Variants in ATP6V0A2 observed in about 807,000 individuals in gnomAD.
The protein encoded by ATP6V0A2 is V-type proton ATPase 116 kDa subunit a 2.
Under a neutral mutation model 104.4 loss-of-function variants are expected in ATP6V0A2, and 58 were observed. The ratio of observed to expected loss-of-function variants is 0.56; its 90% CI spans 0.45 to 0.69. ATP6V0A2 has a LOEUF of 0.69. Ranked by LOEUF, ATP6V0A2 falls within the 30% of genes least tolerant of loss-of-function variation. The probability of loss-of-function intolerance (pLI) is 0.00; values close to 1 mark genes in which losing one functional copy is unlikely to be tolerated. For synonymous variants in ATP6V0A2, 376 were observed against 397.9 expected (o/e 0.95, Z 0.65); for missense variants, 938 against 1,062.9 (o/e 0.88, Z 1.63).
chr12:123,743,840 C>G lies in ATP6V0A2; in HGVS notation c.1094C>G (p.Thr365Arg). 1 of 1,614,090 alleles carries G rather than the reference C, an allele frequency of 6.2e-7. No individual in the cohort carries two copies. Among genetic ancestry groups the G allele is most frequent in the Non-Finnish European group, 8.5e-7 (1 of 1,179,988 alleles). Reference protein sequence around the residue: ...SFMNIIPTKETPPTRIRTNKF... With the variant: ...SFMNIIPTKERPPTRIRTNKF... ...ATGAATATAATCCCCACAAAAGAAACACCCCCCACTCGGATCCGCACCAAC... is the reference window on the plus strand; with the variant it reads ...ATGAATATAATCCCCACAAAAGAAAGACCCCCCACTCGGATCCGCACCAAC... The change falls in exon 10 of 20, where the codon ACA becomes AGA. Residue 365 changes from threonine (T) to arginine (R), a missense_variant. Physicochemically the swap from Thr to Arg is moderately conservative, Grantham distance 71 (BLOSUM62 -1). Transcript: ENST00000330342.
chr12:123,719,817 G>A (rs1437234804), intron 2 of ATP6V0A2, among the ~76,000 whole-genome samples: 3 of 151,960 alleles, frequency 2.0e-5, no homozygotes, highest in Admixed American at 1.3e-4. Context: ...GGACCACACA[G>A]GGGGAGGTTG....
At chr12:123,741,509 C>T (rs975362738) in intron 9 of ATP6V0A2, among the ~76,000 whole-genome samples, 25 of 152,284 alleles carry the variant, frequency 1.6e-4, no homozygotes, top group African/African-American at 5.8e-4. Context: ...GGTCGTAGCT[C>T]ACTGCAATCT....
chr12:123,748,880 G>T, intron 15 of ATP6V0A2, 95 bp downstream of exon 15: 6 of 1,211,714 alleles, frequency 5.0e-6, no homozygotes, highest in Non-Finnish European at 7.3e-6. Flanking sequence ...CTCCACAGGA[G>T]CCTGGGAAGG....
At chr12:123,754,707 T>C (rs1468947772) in intron 18 of ATP6V0A2, 170 bp downstream of exon 18, 1 of 627,888 alleles carries the variant, frequency 1.6e-6, no homozygotes, top group East Asian at 2.8e-5. Flanking sequence ...GGCTATTTCT[T>C]TTGGCTGAGG....
intron 16 of ATP6V0A2, among the ~76,000 whole-genome samples, 162 bp from the exon 17 acceptor site, chr12:123,752,121 A>T (rs947122902): frequency 2.6e-5 from 4 of 152,144 alleles, no homozygotes; most frequent in African/African-American, 9.7e-5. Flanking sequence ...CGGCTTCCCA[A>T]AGTGCTGTGA....
chr12:123,730,439 G>T (rs550248850), intron 6 of ATP6V0A2, among the ~76,000 whole-genome samples: 1 of 151,742 alleles, frequency 6.6e-6, no homozygotes, highest in Non-Finnish European at 1.5e-5. Flanking sequence ...AGGAGCCACC[G>T]CGCCCAGCCT....
intron 1 of ATP6V0A2, among the ~76,000 whole-genome samples, chr12:123,715,541 C>T (rs529753813): frequency 6.6e-6 from 1 of 152,258 alleles, no homozygotes; most frequent in African/African-American, 2.4e-5. Context: ...TTAACTGTTT[C>T]TTGAGAGTGC....
intron 16 of ATP6V0A2, among the ~76,000 whole-genome samples, chr12:123,751,479 AC>A (rs1359842708): frequency 1.3e-5 from 2 of 152,052 alleles, no homozygotes; most frequent in Non-Finnish European, 2.9e-5. Context: ...ACATGGCGAA[AC>A]CCTGTCTCTA....
At chr12:123,733,833 G>GA in intron 6 of ATP6V0A2, 93 bp from the exon 7 acceptor site, 1 of 879,848 alleles carries the variant, frequency 1.1e-6, no homozygotes, top group African/African-American at 1.6e-5. Context: ...TTGAATGAGT[G>GA]AATGAATGAA....
intron 4 of ATP6V0A2, 32 bp downstream of exon 4, chr12:123,724,823 T>C (rs1956433734): frequency 6.2e-7 from 1 of 1,603,758 alleles, no homozygotes; most frequent in Admixed American, 1.7e-5. Context: ...AATACAGCTG[T>C]TTTTATAAAC....
intron 1 of ATP6V0A2, among the ~76,000 whole-genome samples, chr12:123,713,837 C>G (rs1433349539): frequency 6.6e-6 from 1 of 152,148 alleles, no homozygotes; most frequent in African/African-American, 2.4e-5. Flanking sequence ...TCCTTAATTT[C>G]AAAAGGGATC....
rs1812552036 is a variant in ATP6V0A2 at position 123,759,986 on chromosome 12, T to C, written c.*1954T>C. On this transcript the variant is annotated 3_prime_UTR_variant, in exon 20 of 20. Coordinates refer to ENST00000330342, the MANE Select transcript of ATP6V0A2 (RefSeq NM_012463.4). The stretch of plus-strand genomic sequence containing the variant: ...TTGGGTGACTATGACATCCCAGCAG[T>C]GCTGGTCAGGTCTCAGAGTTGCTTT... 3 of 152,226 alleles carry C rather than the reference T, an allele frequency of 2.0e-5. No homozygotes were observed. The South Asian group carries it at 6.2e-4, about 32-fold the overall frequency. The allele number at this position is 152,226 out of a possible 1,614,324, so 9.4% of individuals were successfully genotyped here.
In ATP6V0A2 at chr12:123,758,125, C is replaced by A; in HGVS notation, c.*93C>A. ...GTCAGATTTATGATAGGAAAAATTC[C>A]ATCTTCATTACTGCCTTATGACATA... On this transcript the variant is annotated 3_prime_UTR_variant, in exon 20 of 20. Coordinates refer to ENST00000330342, the MANE Select transcript of ATP6V0A2 (RefSeq NM_012463.4). 2 of 890,286 alleles carry A rather than the reference C, an allele frequency of 2.2e-6. No individual in the cohort carries two copies. The highest frequency in any genetic ancestry group is 2.5e-5 in the East Asian group (1 of 40,670). The allele number at this position is 890,286 out of a possible 1,614,324, so 55.1% of individuals were successfully genotyped here. A position where few individuals can be genotyped will look rare whatever the true frequency, so the allele number is the denominator to read the frequency against.
chr12:123,722,398 G>A lies in ATP6V0A2; in HGVS notation c.244G>A (p.Gly82Arg), dbSNP rs1392360558. The A allele has an allele frequency of 1.2e-6, 2 of 1,613,474 alleles. No homozygotes were observed. Among genetic ancestry groups the A allele is most frequent in the East Asian group, 2.2e-5 (1 of 44,886 alleles). Residue 82 changes from glycine to arginine, a missense_variant, in exon 3 of 20, where the codon GGA becomes AGA. By Grantham distance (125) the Gly-to-Arg change is moderately radical. Coordinates refer to ENST00000330342, the MANE Select transcript of ATP6V0A2 (RefSeq NM_012463.4). The part of the protein sequence containing the change: ...INRADIPLPE[G>R]EASPPAPPLK... ...TAGAGCTGATATTCCCCTTCCTGAA[G>A]GAGAGGCCAGCCCTCCTGCGCCACC...
chr12:123,751,717 A>G (rs1484418229), intron 16 of ATP6V0A2, among the ~76,000 whole-genome samples: 1 of 152,000 alleles, frequency 6.6e-6, no homozygotes, highest in Non-Finnish European at 1.5e-5. Context: ...GCCTGTGGAG[A>G]CCCGCCCTGG....
In ATP6V0A2 at chr12:123,758,551, T is replaced by G. The variant is rs1246627510; in HGVS notation, c.*519T>G. 1 of 152,832 alleles carries G rather than the reference T, an allele frequency of 6.5e-6. No homozygotes were observed. The highest frequency in any genetic ancestry group is 2.4e-5 in the African/African-American group (1 of 41,372). The allele number at this position is 152,832 out of a possible 1,614,324, so 9.5% of individuals were successfully genotyped here. On this transcript the variant is annotated 3_prime_UTR_variant, in exon 20 of 20. Coordinates refer to ENST00000330342, the MANE Select transcript of ATP6V0A2 (RefSeq NM_012463.4). ...TTTTTTTTTTTTTGAGATGAAGTCT[T>G]GCTGTGTCACGTAGGCTGGAGTGCA...
rs754359121 is a variant in ATP6V0A2, at chr12:123,751,221, G to T, written c.2047G>T (p.Val683Leu). ...WLHNGRSCFG[V>L]NRSGYTLIRK... ...TCACAATGGGCGTAGTTGCTTCGGG[G>T]TGAACCGGGTAAGTGCGGGTTTGGA... The change falls in exon 16 of 20, where the codon GTG becomes TTG. Residue 683 changes from valine to leucine, a missense_variant. Coordinates refer to ENST00000330342, the MANE Select transcript of ATP6V0A2 (RefSeq NM_012463.4). 28 of 1,614,188 alleles carry T rather than the reference G, an allele frequency of 1.7e-5. 1 individual carries two copies. The South Asian group carries it at 2.6e-4, about 15-fold the overall frequency.
chr12:123,725,226 G>C (rs1188575386), intron 4 of ATP6V0A2, among the ~76,000 whole-genome samples: 1 of 152,092 alleles, frequency 6.6e-6, no homozygotes, highest in Non-Finnish European at 1.5e-5. Flanking sequence ...GAGCTACCGC[G>C]CCCAGATTTA....
chr12:123,716,274 C>T (rs1327794131), intron 1 of ATP6V0A2, among the ~76,000 whole-genome samples: 2 of 151,926 alleles, frequency 1.3e-5, no homozygotes, highest in African/African-American at 2.4e-5. Context: ...ACCATGTTGG[C>T]CAGGCTGGTC....
Sources: gnomAD v4.1 joint callset for allele counts (sites outside exome capture counted in the v4.1 genomes callset) on GRCh38, gnomAD v4.1.1 for gene constraint, MANE v1.5 for transcripts, NCBI Gene and HGNC (gene_info 2026-07-23, HGNC 2026-07-21) for gene names.